Variants in CLOCK observed in about 807,000 individuals in gnomAD.
The protein encoded by CLOCK is circadian locomoter output cycles protein kaput.
A neutral mutation model predicts 118.4 loss-of-function variants in CLOCK; 43 were observed. The ratio of observed to expected loss-of-function variants is 0.36; its 90% CI spans 0.28 to 0.47. The LOEUF is 0.47. CLOCK is among the 20% of genes least tolerant of loss of function. CLOCK has a pLI of 1.00. For synonymous variants in CLOCK, 326 were observed against 339.2 expected, an observed-to-expected ratio of 0.96 and a Z score of 0.43; for missense variants, 846 against 999.9, an observed-to-expected ratio of 0.85 and a Z score of 2.08.
At chr4:55,459,599 T>C (rs2109804017) in intron 9 of CLOCK, among the ~76,000 whole-genome samples, 1 of 152,322 alleles carries the variant, frequency 6.6e-6, no homozygotes, top group Non-Finnish European at 1.5e-5. Flanking sequence ...TCTTTCCTAT[T>C]TTCTCTAGGA....
rs10529256 is a variant in CLOCK at position 55,453,876 on chromosome 4, T to C, written c.983-52A>G. The C allele has an allele frequency of 3.8e-3, 5,234 of 1,371,046 alleles. 297 individuals carry two copies. In the Admixed American group the frequency reaches 0.096, roughly 25 times the overall value. The allele number at this position is 1,371,046 out of a possible 1,614,324, so 84.9% of individuals were successfully genotyped here. On this transcript the variant is annotated intron_variant, in intron 13 of 22. Coordinates refer to ENST00000513440, the MANE Select transcript of CLOCK (RefSeq NM_004898.4). Reference sequence around the variant, plus strand: ...TTCTTTAATTCATATTATATAAAGATTGTTTTTTAACCAAAAGCTATCATT... The same window carrying C: ...TTCTTTAATTCATATTATATAAAGACTGTTTTTTAACCAAAAGCTATCATT...
chr4:55,532,859 G>A (rs1357869928), intron 1 of CLOCK, among the ~76,000 whole-genome samples: 1 of 151,664 alleles, frequency 6.6e-6, no homozygotes, highest in East Asian at 1.9e-4. Context: ...CAAAGAAAAG[G>A]GGTCGGGTCG....
rs936498210 is a variant in CLOCK, at chr4:55,429,180, G to A, written c.*6235C>T. 2 of 152,204 alleles carry A rather than the reference G, an allele frequency of 1.3e-5. No individual in the cohort carries two copies. Among genetic ancestry groups the A allele is most frequent in the African/African-American group, 4.8e-5 (2 of 41,534 alleles). 9.4% of individuals were successfully genotyped at this position (152,204 alleles called of 1,614,324 possible). A position where few individuals can be genotyped will look rare whatever the true frequency, so the allele number is the denominator to read the frequency against. ...AAACATTTGAATGTCATTTTTAAAA[G>A]CGATGTCACAGTTTGTTTCCTAAGA... is the stretch of plus-strand genomic sequence containing the variant. On this transcript the variant is annotated 3_prime_UTR_variant, in exon 23 of 23. Coordinates refer to ENST00000513440, the MANE Select transcript of CLOCK (RefSeq NM_004898.4).
At chr4:55,479,557 G>T in intron 5 of CLOCK, 83 bp downstream of exon 5, 1 of 1,161,146 alleles carries the variant, frequency 8.6e-7, no homozygotes, top group Non-Finnish European at 1.3e-6. Flanking sequence ...ATAGCTTTTG[G>T]AAATCATTTA....
chr4:55,463,639 T>A, intron 9 of CLOCK, 46 bp downstream of exon 9: 1 of 1,604,038 alleles, frequency 6.2e-7, no homozygotes. Context: ...AGGATAGTGC[T>A]ACTGAATACA....
chr4:55,474,452 T>A (rs1726354890), intron 7 of CLOCK, among the ~76,000 whole-genome samples: 1 of 152,162 alleles, frequency 6.6e-6, no homozygotes, highest in Admixed American at 6.6e-5. Context: ...GAGCAAGTGA[T>A]CCGGGAGACC....
At chr4:55,502,208 C>T (rs1384195343) in intron 2 of CLOCK, among the ~76,000 whole-genome samples, 6 of 152,012 alleles carry the variant, frequency 3.9e-5, no homozygotes, top group Admixed American at 3.9e-4. Flanking sequence ...GCGGGTAGTG[C>T]GGAGGACTGC....
At chr4:55,481,161 G>A (rs964179171) in intron 4 of CLOCK, among the ~76,000 whole-genome samples, 1 of 152,122 alleles carries the variant, frequency 6.6e-6, no homozygotes, top group Admixed American at 6.5e-5. Context: ...CCTTTCTATG[G>A]CCTATAAAGG....
At chr4:55,469,173 T>C (rs1276900906) in intron 8 of CLOCK, among the ~76,000 whole-genome samples, 2 of 152,010 alleles carry the variant, frequency 1.3e-5, no homozygotes, top group Admixed American at 6.6e-5. Flanking sequence ...TTGCCCAGGC[T>C]GGAGTGCAAT....
chr4:55,463,100 T>C (rs1577725482), intron 9 of CLOCK, among the ~76,000 whole-genome samples: 2 of 152,200 alleles, frequency 1.3e-5, no homozygotes, highest in African/African-American at 2.4e-5. Flanking sequence ...TCAATGGACC[T>C]AGTAGAAATG....
At chr4:55,503,991 A>AAAAAAAAAAAAAAC (rs1728607102) in intron 2 of CLOCK, among the ~76,000 whole-genome samples, 1 of 147,356 alleles carries the variant, frequency 6.8e-6, no homozygotes, top group African/African-American at 2.5e-5. Context: ...AAAAAAAAAA[A>AAAAAAAAAAAAAAC]AAAAAAAAAA....
At chr4:55,530,007 A>C (rs1310137642) in intron 1 of CLOCK, among the ~76,000 whole-genome samples, 1 of 152,260 alleles carries the variant, frequency 6.6e-6, no homozygotes, top group Non-Finnish European at 1.5e-5. Flanking sequence ...TCAATCAAGA[A>C]AGCCAATATT....
At chr4:55,517,012 A>C (rs1469507719) in intron 1 of CLOCK, among the ~76,000 whole-genome samples, 1 of 152,140 alleles carries the variant, frequency 6.6e-6, no homozygotes, top group Non-Finnish European at 1.5e-5. Context: ...CATTCATTTC[A>C]CTTTTACATA....
intron 1 of CLOCK, among the ~76,000 whole-genome samples, chr4:55,542,365 TAATAA>T (rs1323860568): frequency 2.2e-3 from 145 of 66,516 alleles, no homozygotes; most frequent in African/African-American, 4.3e-3. Context: ...ATAATAATAA[TAATAA>T]TAATAATAAT....
At chr4:55,466,838 G>A (rs1283648064) in intron 8 of CLOCK, among the ~76,000 whole-genome samples, 3 of 152,044 alleles carry the variant, frequency 2.0e-5, no homozygotes, top group Non-Finnish European at 4.4e-5. Context: ...AAAAGAAAAT[G>A]GTAACTACTT....
intron 1 of CLOCK, among the ~76,000 whole-genome samples, chr4:55,513,831 TTATA>T (rs1169197983): frequency 6.6e-6 from 1 of 152,016 alleles, no homozygotes; most frequent in Non-Finnish European, 1.5e-5. Flanking sequence ...TGTACATATT[TTATA>T]TATATTTTAT....
In CLOCK at chr4:55,511,074, T is replaced by C. The variant is rs549150685; in HGVS notation, c.-289-1009A>G. The stretch of plus-strand genomic sequence containing the variant: ...CCAAGGAATGACTGCCCTGGGCCAA[T>C]AGCTGACCTTGCCATGGATGGATAA... On this transcript the variant is annotated intron_variant, in intron 1 of 22. Coordinates refer to ENST00000513440, the MANE Select transcript of CLOCK (RefSeq NM_004898.4). Among the ~76,000 whole-genome samples the C allele has an allele frequency of 1.6e-4, 24 of 152,276 alleles. No homozygotes were observed. In the South Asian group the frequency reaches 4.8e-3, roughly 30 times the overall value.
intron 4 of CLOCK, 143 bp downstream of exon 4, chr4:55,482,596 T>C: frequency 3.4e-6 from 2 of 583,220 alleles, no homozygotes; most frequent in Non-Finnish European, 5.8e-6. Context: ...TTTTATACTA[T>C]ATTTGTTTAA....
intron 1 of CLOCK, chr4:55,545,969 G>C (rs1172425406): frequency 6.6e-6 from 1 of 152,190 alleles, no homozygotes; most frequent in Non-Finnish European, 1.5e-5. Context: ...CGGAACCCCG[G>C]AACCACCACC....
Sources: allele counts gnomAD v4.1 joint callset (sites outside exome capture counted in the v4.1 genomes callset), GRCh38; gene constraint gnomAD v4.1.1; transcripts MANE v1.5; gene names NCBI Gene and HGNC (gene_info 2026-07-23, HGNC 2026-07-21).